Variants in MAP7D2 observed in about 807,000 individuals in gnomAD.
MAP7D2 encodes the protein MAP7 domain-containing protein 2.
In MAP7D2, 33 loss-of-function variants were observed where a neutral mutation model predicts 63.5. The ratio of observed to expected loss-of-function variants is 0.52; its 90% CI spans 0.39 to 0.70. The LOEUF is 0.70. Ranked by LOEUF, MAP7D2 falls within the 30% of genes least tolerant of loss-of-function variation. MAP7D2 has a pLI of 0.00. For missense variants in MAP7D2, 626 were observed against 604.0 expected, an observed-to-expected ratio of 1.04 and a Z score of -0.38; for synonymous variants, 224 against 223.7, an observed-to-expected ratio of 1.00 and a Z score of -0.01.
rs746618444 is a variant in MAP7D2, at chrX:20,085,688, G to T, written c.131-20883C>A. ...GAAACAAAGATAAAGAGAAGGAACA[G>T]GGTAAAATGTTTTCTCAAGTTTTTT... On this transcript the variant is annotated intron_variant, in intron 1 of 16. Transcript: ENST00000379643. Among the ~76,000 whole-genome samples, 32 of 112,264 alleles carry T rather than the reference G, an allele frequency of 2.9e-4. No homozygotes were observed. The South Asian group carries it at 9.9e-3, about 35-fold the overall frequency.
At chrX:20,031,998 C>G (rs2074066078) in intron 8 of MAP7D2, among the ~76,000 whole-genome samples, 1 of 111,328 alleles carries the variant, frequency 9.0e-6, no homozygotes, top group Middle Eastern at 4.2e-3. Flanking sequence ...AGAGACTGTG[C>G]AAGACTGAGT....
chrX:20,071,373 C>T (rs995367207), intron 1 of MAP7D2, among the ~76,000 whole-genome samples: 11 of 112,447 alleles, frequency 9.8e-5, no homozygotes, highest in African/African-American at 3.2e-4. Context: ...AAAAGCCCCG[C>T]GTGTGATTCT....
chrX:20,062,489 AAAG>A (rs1443654093), intron 3 of MAP7D2, among the ~76,000 whole-genome samples: 1 of 111,567 alleles, frequency 9.0e-6, no homozygotes, highest in African/African-American at 3.3e-5. Flanking sequence ...TTTAAAAAAA[AAAG>A]AAGGAAGGGG....
chrX:20,041,858 C>T (rs1182880673), intron 8 of MAP7D2, among the ~76,000 whole-genome samples: 2 of 111,159 alleles, frequency 1.8e-5, no homozygotes, highest in Non-Finnish European at 3.8e-5. Flanking sequence ...GTGAGTTTAC[C>T]TAGTTCCTAA....
At chrX:20,104,808 T>C (rs758812973) in intron 1 of MAP7D2, among the ~76,000 whole-genome samples, 1 of 112,044 alleles carries the variant, frequency 8.9e-6, no homozygotes, top group African/African-American at 3.2e-5. Flanking sequence ...CACCCCTGAC[T>C]GGTGATCAAG....
intron 1 of MAP7D2, among the ~76,000 whole-genome samples, chrX:20,070,930 A>G (rs188141134): frequency 8.9e-6 from 1 of 112,732 alleles, no homozygotes; most frequent in East Asian, 2.8e-4. Context: ...ATCAAAATAC[A>G]AAGTTTTAAA....
chrX:20,083,625 G>A (rs1442732531), intron 1 of MAP7D2, among the ~76,000 whole-genome samples: 1 of 112,025 alleles, frequency 8.9e-6, no homozygotes, highest in Non-Finnish European at 1.9e-5. Flanking sequence ...TTTTAAGTTA[G>A]CCAAACTGTC....
At chrX:20,073,030 G>T (rs1223341789) in intron 1 of MAP7D2, among the ~76,000 whole-genome samples, 1 of 110,563 alleles carries the variant, frequency 9.0e-6, no homozygotes, top group Non-Finnish European at 1.9e-5. Context: ...TGCAATAAAA[G>T]AATTTGTAGT....
intron 1 of MAP7D2, among the ~76,000 whole-genome samples, chrX:20,082,295 G>A (rs780076951): frequency 7.1e-5 from 8 of 112,688 alleles, no homozygotes; most frequent in Non-Finnish European, 1.3e-4. Context: ...TAGGAAGAAA[G>A]TGGGAGCATC....
chrX:20,015,395 C>T (rs1018193057), intron 11 of MAP7D2, 68 bp from the exon 12 acceptor site: 1 of 892,001 alleles, frequency 1.1e-6, no homozygotes, highest in African/African-American at 1.9e-5. Context: ...AATTCCCTGG[C>T]TTTGCACATG....
chrX:20,095,708 C>G (rs1312615212), intron 1 of MAP7D2, among the ~76,000 whole-genome samples: 1 of 112,067 alleles, frequency 8.9e-6, no homozygotes, highest in Non-Finnish European at 1.9e-5. Flanking sequence ...AAGGGGGAAG[C>G]AACCCCAATG....
chrX:20,100,174 C>T (rs1285243797), intron 1 of MAP7D2, among the ~76,000 whole-genome samples: 1 of 112,120 alleles, frequency 8.9e-6, no homozygotes, highest in Non-Finnish European at 1.9e-5. Context: ...TTGGCTAAGA[C>T]AGAGGAATGT....
At chrX:20,108,353 G>A (rs978625014) in intron 1 of MAP7D2, among the ~76,000 whole-genome samples, 3 of 109,171 alleles carry the variant, frequency 2.7e-5, no homozygotes, top group African/African-American at 1.0e-4. Context: ...TCGTGCCGCC[G>A]CTTCCCGAGT....
intron 8 of MAP7D2, among the ~76,000 whole-genome samples, chrX:20,028,690 G>C (rs1414030805): frequency 8.9e-6 from 1 of 111,837 alleles, no homozygotes; most frequent in African/African-American, 3.3e-5. Context: ...CAACCACCAC[G>C]AGGGTGTCTC....
intron 1 of MAP7D2, among the ~76,000 whole-genome samples, chrX:20,068,239 T>A (rs968588918): frequency 8.9e-6 from 1 of 112,044 alleles, no homozygotes; most frequent in Admixed American, 9.4e-5. Context: ...TTCAGTTCTT[T>A]AGTCACACTG....
chrX:20,087,596 T>C (rs2065941624), intron 1 of MAP7D2, among the ~76,000 whole-genome samples: 1 of 112,105 alleles, frequency 8.9e-6, no homozygotes, highest in Admixed American at 9.5e-5. Context: ...AAACAACATA[T>C]TCAACTCTGG....
intron 16 of MAP7D2, 55 bp downstream of exon 16, chrX:20,010,722 T>G: frequency 9.4e-7 from 1 of 1,065,455 alleles, no homozygotes; most frequent in South Asian, 2.2e-5. Context: ...ACATCCTATC[T>G]TCACAAACCC....
At position 20,033,999 on chromosome X, in the gene MAP7D2, TGGATCACTTGAGGTCA is replaced by T. The variant is rs762112864; in HGVS notation, c.1008-8063_1008-8048del. Among the ~76,000 whole-genome samples, 471 of 109,168 alleles carry T rather than the reference TGGATCACTTGAGGTCA, an allele frequency of 4.3e-3. 4 individuals are homozygous for T. The highest frequency in any genetic ancestry group is 0.015 in the African/African-American group (455 of 30,010). 94.8% of individuals were successfully genotyped at this position (109,168 alleles called of 115,157 possible). A position where few individuals can be genotyped will look rare whatever the true frequency, so the allele number is the denominator to read the frequency against. ...CAGCACTTTGGGAGGCCAAGGCGGG[TGGATCACTTGAGGTCA>T]GGAGTTCAAAACCGGCCTGGCCAAT... On this transcript the variant is annotated intron_variant, in intron 8 of 16. Transcript: ENST00000379643.
At chrX:20,043,137 C>T (rs1372580760) in intron 7 of MAP7D2, among the ~76,000 whole-genome samples, 1 of 110,995 alleles carries the variant, frequency 9.0e-6, no homozygotes, top group Non-Finnish European at 1.9e-5. Context: ...GGTTAGCTCC[C>T]TTCTCTCCCT....
Sources: gnomAD v4.1 joint callset for allele counts (sites outside exome capture counted in the v4.1 genomes callset) on GRCh38, gnomAD v4.1.1 for gene constraint, MANE v1.5 for transcripts, NCBI Gene and HGNC (gene_info 2026-07-23, HGNC 2026-07-21) for gene names.